The following DTX1 variants were observed in gnomAD, a reference collection of about 807,000 sequenced individuals.
DTX1 encodes E3 ubiquitin-protein ligase DTX1.
A neutral mutation model predicts 57.8 loss-of-function variants in DTX1; 26 were observed. The observed-to-expected ratio is 0.45, with a 90% CI of 0.33 to 0.62. The LOEUF (loss-of-function observed/expected upper bound fraction) is 0.62, where lower values mean the gene tolerates loss of function less well. Ranked by LOEUF, DTX1 falls within the 20% of genes least tolerant of loss-of-function variation. The probability of loss-of-function intolerance (pLI) is 0.02; values close to 1 mark genes in which losing one functional copy is unlikely to be tolerated. For missense variants in DTX1, 704 were observed against 895.3 expected, an observed-to-expected ratio of 0.79 and a Z score of 2.73; for synonymous variants, 398 against 394.1, an observed-to-expected ratio of 1.01 and a Z score of -0.12.
Position 113,097,761 on chromosome 12 carries a change from A to C in DTX1, c.*822A>C, listed in dbSNP as rs550131061. 2 of 152,708 alleles carry C rather than the reference A, an allele frequency of 1.3e-5. No individual in the cohort carries two copies. Among genetic ancestry groups the C allele is most frequent in the South Asian group, 4.1e-4 (2 of 4,822 alleles). 9.5% of individuals were successfully genotyped at this position (152,708 alleles called of 1,614,324 possible). A position where few individuals can be genotyped will look rare whatever the true frequency, so the allele number is the denominator to read the frequency against. ...TGGCGCTTCTGACTTCAGGAGCGAA[A>C]GGAGGAGGCCTAGTTTGGGCCGATG... On this transcript the variant is annotated 3_prime_UTR_variant, in exon 10 of 10. Transcript: ENST00000548759.
rs756576630 is a variant in DTX1 at position 113,094,920 on chromosome 12, C to T, written c.1359C>T (p.Leu453=). 4 of 1,613,606 alleles carry T rather than the reference C, an allele frequency of 2.5e-6. No homozygotes were observed. The South Asian group carries it at 3.3e-5, about 13-fold the overall frequency. ...RCGHMYHLLC[L]VAMYSNGNKD... is the part of the protein sequence containing the mutation. ...GCCACATGTACCACCTGCTGTGCCTCGTGGCCATGTACTCCAATGGCAACA... is the reference window on the plus strand; with the variant it reads ...GCCACATGTACCACCTGCTGTGCCTTGTGGCCATGTACTCCAATGGCAACA... The change falls in exon 7 of 10, where the codon CTC becomes CTT. Residue 453 remains leucine (L), a synonymous_variant. Coordinates refer to ENST00000548759, the MANE Select transcript of DTX1 (RefSeq NM_004416.3).
At chr12:113,082,538 C>T (rs112349490) in intron 3 of DTX1, among the ~76,000 whole-genome samples, 3,003 of 152,306 alleles carry the variant, frequency 0.02, 45 homozygotes, top group African/African-American at 0.04. Flanking sequence ...CCCACTGTCA[C>T]TCTCGTCCCC....
intron 6 of DTX1, 111 bp from the exon 7 acceptor site, chr12:113,094,678 G>A: frequency 7.2e-7 from 1 of 1,394,332 alleles, no homozygotes; most frequent in Admixed American, 2.3e-5. Flanking sequence ...TGCCAAATGG[G>A]TACCAGAGAG....
Position 113,093,163 on chromosome 12 carries a change from G to T in DTX1, c.943G>T (p.Val315Phe). 3 of 1,595,864 alleles carry T rather than the reference G, an allele frequency of 1.9e-6. No individual in the cohort carries two copies. The highest frequency in any genetic ancestry group is 2.6e-6 in the Non-Finnish European group (3 of 1,171,554). The change falls in exon 4 of 10, where the codon GTC (valine) becomes TTC (phenylalanine). Residue 315 changes from valine (V) to phenylalanine (F), a missense_variant and splice_region_variant. Coordinates refer to ENST00000548759, the MANE Select transcript of DTX1 (RefSeq NM_004416.3). The surrounding 1 kb of genome is among the most constrained non-coding windows in gnomAD (Gnocchi z 4.2). ...VSARASIPPG[V>F]PALPVKNLNG... ...CGGCCTCTTCTCTTCTCCCCGCAGGGTCCCCGCACTCCCGGTGAAGAACTT... is the reference window on the plus strand; with the variant it reads ...CGGCCTCTTCTCTTCTCCCCGCAGGTTCCCCGCACTCCCGGTGAAGAACTT...
chr12:113,060,861 T>G (rs906353769), intron 2 of DTX1, among the ~76,000 whole-genome samples: 1 of 152,112 alleles, frequency 6.6e-6, no homozygotes, highest in Non-Finnish European at 1.5e-5. Flanking sequence ...GTTCTGCAGG[T>G]TCAGAGCTAA....
chr12:113,070,336 G>C (rs920465112), intron 2 of DTX1, among the ~76,000 whole-genome samples: 7 of 152,214 alleles, frequency 4.6e-5, no homozygotes, highest in Admixed American at 2.0e-4. Context: ...CTCAGCCTGT[G>C]GTGGGACTCC....
At chr12:113,092,175 G>A (rs1305160225) in intron 3 of DTX1, among the ~76,000 whole-genome samples, 1 of 152,210 alleles carries the variant, frequency 6.6e-6, no homozygotes, top group Non-Finnish European at 1.5e-5. Flanking sequence ...CCAGGACTTA[G>A]TGCCTGGGAA....
At chr12:113,085,050 AC>A (rs2044846267) in intron 3 of DTX1, among the ~76,000 whole-genome samples, 1 of 129,874 alleles carries the variant, frequency 7.7e-6, no homozygotes, top group African/African-American at 2.8e-5. Context: ...TCAGGCCCGT[AC>A]CCTTTTTTTT....
chr12:113,062,717 G>A (rs1004793011), intron 2 of DTX1, among the ~76,000 whole-genome samples: 2 of 152,258 alleles, frequency 1.3e-5, no homozygotes, highest in South Asian at 2.1e-4. Context: ...CACATGCCCT[G>A]TGTATGTGCC....
In DTX1 at chr12:113,096,918, C is replaced by G; in HGVS notation, c.1842C>G (p.Ser614=). Residue 614 remains serine (S), a synonymous_variant, in exon 10 of 10, where the codon TCC becomes TCG. Coordinates refer to ENST00000548759, the MANE Select transcript of DTX1 (RefSeq NM_004416.3). ...CTGAGCTCACAGCCCAGGGCGTATCCGAGGCTGCAGCCAAGGCTTGAGGCC... is the reference window on the plus strand; with the variant it reads ...CTGAGCTCACAGCCCAGGGCGTATCGGAGGCTGCAGCCAAGGCTTGAGGCC... ...VLAELTAQGV[S]EAAAKA 1 of 1,611,848 alleles carries G rather than the reference C, an allele frequency of 6.2e-7. No homozygotes were observed. The highest frequency in any genetic ancestry group is 2.2e-5 in the East Asian group (1 of 44,890).
chr12:113,069,842 G>A (rs555173523), intron 2 of DTX1, among the ~76,000 whole-genome samples: 5 of 152,156 alleles, frequency 3.3e-5, no homozygotes, highest in Non-Finnish European at 5.9e-5. Context: ...GTTGGGTGCC[G>A]CTGTTGTCCT....
rs747174484 is a variant in DTX1 at position 113,093,166 on chromosome 12, C to G, written c.946C>G (p.Pro316Ala). Residue 316 changes from proline to alanine, a missense_variant, in exon 4 of 10, where the codon CCC becomes GCC. This residue lies in a region of DTX1 where 299 missense variants were observed against 311.2 expected (regional missense o/e 0.96). Transcript: ENST00000548759. The surrounding 1 kb of genome is among the most constrained non-coding windows in gnomAD (Gnocchi z 4.2). ...SARASIPPGV[P>A]ALPVKNLNGT... is the part of the protein sequence containing the mutation. ...CCTCTTCTCTTCTCCCCGCAGGGTCCCCGCACTCCCGGTGAAGAACTTGAA... is the reference window on the plus strand; with the variant it reads ...CCTCTTCTCTTCTCCCCGCAGGGTCGCCGCACTCCCGGTGAAGAACTTGAA... 3.8e-6 allele frequency: 6 copies of G among 1,597,064 alleles called. No individual in the cohort carries two copies. The highest frequency in any genetic ancestry group is 5.1e-6 in the Non-Finnish European group (6 of 1,172,194).
At chr12:113,092,669 C>G (rs1020364917) in intron 3 of DTX1, among the ~76,000 whole-genome samples, 18 of 152,170 alleles carry the variant, frequency 1.2e-4, no homozygotes, top group African/African-American at 3.4e-4. Context: ...TTGTCAGAGC[C>G]TTTAATATGC....
At chr12:113,087,781 A>G (rs1447868195) in intron 3 of DTX1, among the ~76,000 whole-genome samples, 4 of 151,958 alleles carry the variant, frequency 2.6e-5, no homozygotes, top group Non-Finnish European at 5.9e-5. Flanking sequence ...GGAAACTAGC[A>G]TCAGAGAAAG....
In DTX1 at chr12:113,069,188, G is replaced by T. The variant is rs891397235; in HGVS notation, c.260-8236G>T. On this transcript the variant is annotated intron_variant, in intron 2 of 9. Coordinates refer to ENST00000548759, the MANE Select transcript of DTX1 (RefSeq NM_004416.3). ...TACAATTATGCCATTTCACAGATGA[G>T]AAAGGAGCAGTTTGGAGGGCTCAGG... Among the ~76,000 whole-genome samples, 49 of 152,114 alleles carry T rather than the reference G, an allele frequency of 3.2e-4. 1 individual carries two copies. Among genetic ancestry groups the T allele is most frequent in the Non-Finnish European group, 1.5e-5 (1 of 68,038 alleles).
chr12:113,067,073 C>T (rs974529040), intron 2 of DTX1, among the ~76,000 whole-genome samples: 1 of 151,944 alleles, frequency 6.6e-6, no homozygotes, highest in Non-Finnish European at 1.5e-5. Flanking sequence ...GGGAGTCTGG[C>T]GCTGGGCCCT....
chr12:113,060,104 C>T (rs755248429), intron 2 of DTX1, among the ~76,000 whole-genome samples: 1 of 152,144 alleles, frequency 6.6e-6, no homozygotes, highest in Non-Finnish European at 1.5e-5. Flanking sequence ...GAAACACAGG[C>T]GAATTCATAA....
chr12:113,093,241 G>T lies in DTX1; in HGVS notation c.1003+18G>T, dbSNP rs1241438286. 2 of 1,583,124 alleles carry T rather than the reference G, an allele frequency of 1.3e-6. No homozygotes were observed. Among genetic ancestry groups the T allele is most frequent in the African/African-American group, 2.7e-5 (2 of 74,324 alleles). ...CCTGGCAGGTGAGGTCTGGCCCAGG[G>T]CGGGAAAGAAGGGCGGGGCCCACTA... On this transcript the variant is annotated intron_variant, in intron 4 of 9. Coordinates refer to ENST00000548759, the MANE Select transcript of DTX1 (RefSeq NM_004416.3). The surrounding 1 kb of genome is among the most constrained non-coding windows in gnomAD (Gnocchi z 4.2).
In DTX1 at chr12:113,077,793, G is replaced by T; in HGVS notation, c.629G>T (p.Ser210Ile). Residue 210 changes from serine (S) to isoleucine (I), a missense_variant, in exon 3 of 10, where the codon AGC becomes ATC. Physicochemically the swap from Ser to Ile is moderately radical, Grantham distance 142. This residue lies in a region of DTX1 where 237 missense variants were observed against 328.6 expected (regional missense o/e 0.72). Transcript: ENST00000548759. This position sits in a 1 kb window ranked among gnomAD's most constrained non-coding sequence, Gnocchi z 7.8. ...TGCCAGCAGTGCCTGCTGGTCAACA[G>T]CACGCGCGCCGCCTCCAACGCCATC... The part of the protein sequence containing the change: ...CSCQQCLLVN[S>I]TRAASNAILA... 6.6e-7 allele frequency: 1 copy of T among 1,507,226 alleles called. No homozygotes were observed. The highest frequency in any genetic ancestry group is 2.2e-5 in the Admixed American group (1 of 46,240). The allele number at this position is 1,507,226 out of a possible 1,614,324, so 93.4% of individuals were successfully genotyped here.
Sources: gnomAD v4.1 joint callset for allele counts (sites outside exome capture counted in the v4.1 genomes callset) on GRCh38, gnomAD v4.1.1 for gene constraint, gnomAD v4.1.1 regional missense constraint, Gnocchi (gnomAD v3.1) non-coding constraint, MANE v1.5 for transcripts, NCBI Gene and HGNC (gene_info 2026-07-23, HGNC 2026-07-21) for gene names.